The following NXPE2 variants were observed in gnomAD, a reference collection of about 807,000 sequenced individuals.
NXPE2 encodes neurexophilin and PC-esterase domain family member 2, also known as NXPE family member 2.
Under a neutral mutation model 34.4 loss-of-function variants are expected in NXPE2, and 34 were observed. The observed-to-expected ratio is 0.99, with a 90% confidence interval of 0.75 to 1.31. The LOEUF (loss-of-function observed/expected upper bound fraction) is 1.31, where lower values mean the gene tolerates loss of function less well. Among genes scored for constraint, NXPE2 ranks in the 40% most tolerant of loss-of-function variants. NXPE2 has a pLI of 0.00. For synonymous variants in NXPE2, 235 were observed against 231.3 expected, an observed-to-expected ratio of 1.02 and a Z score of -0.15; for missense variants, 649 against 672.5, an observed-to-expected ratio of 0.97 and a Z score of 0.39.
the NXPE2 span, among the ~76,000 whole-genome samples, chr11:114,470,173 T>C: frequency 1.8e-4 from 27 of 152,318 alleles, no homozygotes; most frequent in Admixed American, 1.4e-3. Flanking sequence ...CAAGTCTTTG[T>C]ATGGACATAT....
chr11:114,559,818 A>G, the NXPE2 span: 4 of 152,250 alleles, frequency 2.6e-5, no homozygotes, highest in African/African-American at 9.7e-5. Context: ...GATCTCTCCT[A>G]TCTGGGTGGC....
chr11:114,750,342 C>T, the NXPE2 span, among the ~76,000 whole-genome samples: 3 of 152,162 alleles, frequency 2.0e-5, no homozygotes, highest in African/African-American at 7.2e-5. Flanking sequence ...TTAATATCTG[C>T]CATGAGTAGT....
the NXPE2 span, among the ~76,000 whole-genome samples, chr11:114,762,507 G>C: frequency 6.6e-6 from 1 of 152,170 alleles, no homozygotes; most frequent in Non-Finnish European, 1.5e-5. Context: ...TGTAAATGCT[G>C]CTATCATAAA....
chr11:114,605,924 C>T, the NXPE2 span, among the ~76,000 whole-genome samples: 1 of 151,454 alleles, frequency 6.6e-6, no homozygotes, highest in Non-Finnish European at 1.5e-5. Flanking sequence ...AGTGTTGCCT[C>T]ATGGGAAACC....
Position 114,698,751 on chromosome 11 carries a change from G to A in NXPE2, c.839G>A (p.Ser280Asn), listed in dbSNP as rs1951311460. 8 of 1,586,384 alleles carry A rather than the reference G, an allele frequency of 5.0e-6. No homozygotes were observed. The highest frequency in any genetic ancestry group is 6.9e-6 in the Non-Finnish European group (8 of 1,166,210). ...TTRTRNISYLSKEEWRLFHRS... is the reference protein window; with the variant it reads ...TTRTRNISYLNKEEWRLFHRS... ...AGGACAAGAAATATTTCCTATCTTA[G>A]CAAGGAAGAATGGAGGCTTTTCCAC... Residue 280 changes from serine to asparagine, a missense_variant, in exon 3 of 6, where the codon AGC (serine) becomes AAC (asparagine). Coordinates refer to ENST00000389586, the MANE Select transcript of NXPE2 (RefSeq NM_182495.6).
the NXPE2 span, among the ~76,000 whole-genome samples, chr11:114,481,034 G>A: frequency 6.6e-6 from 1 of 152,102 alleles, no homozygotes; most frequent in Non-Finnish European, 1.5e-5. Context: ...TCGAGGTCCC[G>A]TCATTTCTAT....
chr11:114,759,106 ACT>A, the NXPE2 span, among the ~76,000 whole-genome samples: 1 of 151,302 alleles, frequency 6.6e-6, no homozygotes, highest in East Asian at 1.9e-4. Context: ...ACACACACAC[ACT>A]CTCTCTCTGT....
At chr11:114,795,421 C>A in the NXPE2 span, among the ~76,000 whole-genome samples, 1 of 152,186 alleles carries the variant, frequency 6.6e-6, no homozygotes, top group African/African-American at 2.4e-5. Flanking sequence ...TATGGGGTTT[C>A]AACTTTCCAA....
chr11:114,704,910 C>G (rs1171883535), intron 4 of NXPE2, among the ~76,000 whole-genome samples: 1 of 152,164 alleles, frequency 6.6e-6, no homozygotes, highest in Non-Finnish European at 1.5e-5. Flanking sequence ...CTTGCCTGGA[C>G]AGTAATTTCT....
chr11:114,787,194 AAAAG>A, the NXPE2 span, among the ~76,000 whole-genome samples: 1 of 152,120 alleles, frequency 6.6e-6, no homozygotes, highest in Non-Finnish European at 1.5e-5. Flanking sequence ...AAAAAAGTGA[AAAAG>A]AAAGGGAAAG....
At chr11:114,561,049 T>C in the NXPE2 span, among the ~76,000 whole-genome samples, 2 of 152,232 alleles carry the variant, frequency 1.3e-5, no homozygotes, top group Non-Finnish European at 2.9e-5. Context: ...ATATTTGTCA[T>C]GTGACTGTTA....
the NXPE2 span, among the ~76,000 whole-genome samples, chr11:114,475,244 T>G: frequency 1.4e-4 from 10 of 71,850 alleles, no homozygotes; most frequent in South Asian, 5.5e-4. Flanking sequence ...TTTTTTTTTT[T>G]TTTTTTTTTT....
chr11:114,535,641 G>T, the NXPE2 span, among the ~76,000 whole-genome samples: 23 of 151,944 alleles, frequency 1.5e-4, no homozygotes, highest in Non-Finnish European at 2.4e-4. Flanking sequence ...TCCTAGTCTC[G>T]GATAAAACAG....
intron 2 of NXPE2, among the ~76,000 whole-genome samples, chr11:114,692,241 G>A (rs1951167443): frequency 6.6e-6 from 1 of 152,190 alleles, no homozygotes; most frequent in African/African-American, 2.4e-5. Context: ...AGAGGATGGG[G>A]TCCCTCTCAG....
chr11:114,498,040 A>T, the NXPE2 span, among the ~76,000 whole-genome samples: 1 of 152,092 alleles, frequency 6.6e-6, no homozygotes, highest in African/African-American at 2.4e-5. Flanking sequence ...ATTGTTAAAG[A>T]TGGAACTTTT....
chr11:114,756,812 A>T, the NXPE2 span, among the ~76,000 whole-genome samples: 1 of 152,156 alleles, frequency 6.6e-6, no homozygotes, highest in African/African-American at 2.4e-5. Context: ...CTTTTTAAAC[A>T]TATGCAGCCA....
At chr11:114,481,598 C>T in the NXPE2 span, among the ~76,000 whole-genome samples, 1 of 152,132 alleles carries the variant, frequency 6.6e-6, no homozygotes, top group Non-Finnish European at 1.5e-5. Context: ...TAAGGAAATT[C>T]ATAAAATTAA....
the NXPE2 span, among the ~76,000 whole-genome samples, chr11:114,648,595 A>T: frequency 6.6e-6 from 1 of 152,224 alleles, no homozygotes; most frequent in African/African-American, 2.4e-5. Context: ...GACCCAGTCA[A>T]GTTGATACAT....
At chr11:114,542,413 T>C in the NXPE2 span, among the ~76,000 whole-genome samples, 2 of 152,114 alleles carry the variant, frequency 1.3e-5, no homozygotes, top group East Asian at 1.9e-4. Context: ...ACCAACATAA[T>C]TGAAAAGTTT....
Sources: gnomAD v4.1 joint callset for allele counts (sites outside exome capture counted in the v4.1 genomes callset) on GRCh38, gnomAD v4.1.1 for gene constraint, MANE v1.5 for transcripts, NCBI Gene and HGNC (gene_info 2026-07-23, HGNC 2026-07-21) for gene names.